The following NOS1AP variants were observed in gnomAD, a reference collection of about 807,000 sequenced individuals.
NOS1AP encodes the protein nitric oxide synthase 1 adaptor protein.
A neutral mutation model predicts 56.2 loss-of-function variants in NOS1AP; 21 were observed. The ratio of observed to expected loss-of-function variants is 0.37; its 90% CI spans 0.26 to 0.54. The LOEUF (loss-of-function observed/expected upper bound fraction) is 0.54, where lower values mean the gene tolerates loss of function less well. NOS1AP is among the 20% of genes least tolerant of loss of function. The probability of loss-of-function intolerance (pLI) is 0.84; values close to 1 mark genes in which losing one functional copy is unlikely to be tolerated. For synonymous variants in NOS1AP, 270 were observed against 274.6 expected, an observed-to-expected ratio of 0.98 and a Z score of 0.17; for missense variants, 522 against 657.8, an observed-to-expected ratio of 0.79 and a Z score of 2.26.
intron 8 of NOS1AP, among the ~76,000 whole-genome samples, chr1:162,362,662 A>G (rs1657944261): frequency 6.6e-6 from 1 of 152,134 alleles, no homozygotes; most frequent in Non-Finnish European, 1.5e-5. Context: ...TAGTAATTTT[A>G]TTTGCTCAGT....
intron 8 of NOS1AP, among the ~76,000 whole-genome samples, chr1:162,359,283 T>G (rs754352743): frequency 5.9e-5 from 9 of 152,206 alleles, no homozygotes; most frequent in Non-Finnish European, 8.8e-5. Flanking sequence ...GTCCCACATT[T>G]GTGAGATGAC....
At chr1:162,348,095 C>T (rs11576240) in intron 6 of NOS1AP, among the ~76,000 whole-genome samples, 9,341 of 152,262 alleles carry the variant, frequency 0.061, 417 homozygotes, top group Middle Eastern at 0.11. Flanking sequence ...GGAGTGTGAG[C>T]TCTGGGAGGG....
rs1557890822 is a variant in NOS1AP, at chr1:162,355,337, C to T, written c.746C>T (p.Ser249Phe). ...GATGCTGTAGGGAAGGAAGGAGGCT[C>T]TCACACAGGCTCCAAGGTAGGCAAG... ...DLDAVGKEGG[S>F]HTGSKVSHPQ... The change falls in exon 7 of 10, where the codon TCT (serine) becomes TTT (phenylalanine). Residue 249 changes from serine (S) to phenylalanine (F), a missense_variant. Ser to Phe is a radical substitution (Grantham distance 155). Coordinates refer to ENST00000361897, the MANE Select transcript of NOS1AP (RefSeq NM_014697.3). The T allele has an allele frequency of 6.2e-7, 1 of 1,614,134 alleles. No homozygotes were observed. The highest frequency in any genetic ancestry group is 8.5e-7 in the Non-Finnish European group (1 of 1,180,036).
chr1:162,119,111 G>A (rs1648093721), intron 1 of NOS1AP, among the ~76,000 whole-genome samples: 1 of 152,152 alleles, frequency 6.6e-6, no homozygotes, highest in South Asian at 2.1e-4. Flanking sequence ...GGCCCTCATA[G>A]AATGTTTTTC....
chr1:162,224,296 T>C (rs1652876065), intron 2 of NOS1AP, among the ~76,000 whole-genome samples: 1 of 152,232 alleles, frequency 6.6e-6, no homozygotes, highest in African/African-American at 2.4e-5. Context: ...TTCAAGGCAC[T>C]TATTTTTTCC....
intron 2 of NOS1AP, among the ~76,000 whole-genome samples, chr1:162,257,251 A>C (rs552152218): frequency 6.6e-6 from 1 of 152,270 alleles, no homozygotes; most frequent in African/African-American, 2.4e-5. Context: ...GAGTTGGTAC[A>C]TTGGGAGGGC....
chr1:162,346,775 T>TA (rs1172857242), intron 6 of NOS1AP, among the ~76,000 whole-genome samples: 2 of 152,242 alleles, frequency 1.3e-5, no homozygotes, highest in Non-Finnish European at 2.9e-5. Flanking sequence ...TAGAGGGAAT[T>TA]ACTTTACTTC....
chr1:162,367,518 C>T lies in NOS1AP; in HGVS notation c.*51C>T. The T allele has an allele frequency of 6.7e-7, 1 of 1,501,336 alleles. No homozygotes were observed. Among genetic ancestry groups the T allele is most frequent in the Non-Finnish European group, 8.9e-7 (1 of 1,124,052 alleles). The allele number at this position is 1,501,336 out of a possible 1,614,324, so 93.0% of individuals were successfully genotyped here. ...GGCGGCGTGGCTGGAGGGGCCGTGT[C>T]TGGCTGCTGCCCGGGTAGGGGATGC... On this transcript the variant is annotated 3_prime_UTR_variant, in exon 10 of 10. Coordinates refer to ENST00000361897, the MANE Select transcript of NOS1AP (RefSeq NM_014697.3). The surrounding 1 kb of genome is among the most constrained non-coding windows in gnomAD (Gnocchi z 6.5).
chr1:162,125,788 G>C (rs1340569606), intron 1 of NOS1AP, among the ~76,000 whole-genome samples: 3 of 152,156 alleles, frequency 2.0e-5, no homozygotes, highest in Non-Finnish European at 4.4e-5. Context: ...TTTTAGGATT[G>C]TTTTTTCTAA....
At chr1:162,329,234 A>G (rs1194027126) in intron 4 of NOS1AP, among the ~76,000 whole-genome samples, 4 of 152,200 alleles carry the variant, frequency 2.6e-5, no homozygotes, top group Admixed American at 1.3e-4. Flanking sequence ...AAATAAAAGT[A>G]AGAAATTTTA....
intron 5 of NOS1AP, among the ~76,000 whole-genome samples, chr1:162,339,411 A>C (rs951654388): frequency 7.9e-5 from 12 of 151,912 alleles, no homozygotes; most frequent in Non-Finnish European, 1.6e-4. Flanking sequence ...TAAAAAAAAA[A>C]AAAATCTAGT....
intron 3 of NOS1AP, among the ~76,000 whole-genome samples, chr1:162,296,724 A>T (rs1051041224): frequency 1.2e-4 from 19 of 152,216 alleles, no homozygotes; most frequent in Admixed American, 1.1e-3. Flanking sequence ...TTTCCTTTTA[A>T]TGAATGTCTT....
chr1:162,164,274 C>T (rs566522256), intron 2 of NOS1AP, among the ~76,000 whole-genome samples: 1 of 152,174 alleles, frequency 6.6e-6, no homozygotes, highest in Non-Finnish European at 1.5e-5. Context: ...CTTTAGGGAC[C>T]CTTTGGTTCA....
At chr1:162,312,527 G>A (rs1656073682) in intron 4 of NOS1AP, among the ~76,000 whole-genome samples, 1 of 137,602 alleles carries the variant, frequency 7.3e-6, no homozygotes. Flanking sequence ...CTCCCATTTT[G>A]TAGGTTGCCT....
At chr1:162,336,699 C>A (rs138680073) in intron 5 of NOS1AP, among the ~76,000 whole-genome samples, 83 of 152,326 alleles carry the variant, frequency 5.4e-4, no homozygotes, top group African/African-American at 1.9e-3. Context: ...GGACTTTGAA[C>A]GCTAAACCCT....
chr1:162,247,164 C>T (rs532297158), intron 2 of NOS1AP, among the ~76,000 whole-genome samples: 1 of 152,166 alleles, frequency 6.6e-6, no homozygotes, highest in South Asian at 2.1e-4. Flanking sequence ...TTGGTTCCTT[C>T]CCTCTTGGCA....
intron 3 of NOS1AP, among the ~76,000 whole-genome samples, chr1:162,300,083 G>A (rs1473261096): frequency 6.6e-6 from 1 of 152,144 alleles, no homozygotes; most frequent in Admixed American, 6.5e-5. Flanking sequence ...GACAAAGGCG[G>A]ATGAAGGTAG....
At chr1:162,223,098 A>T (rs1197991881) in intron 2 of NOS1AP, among the ~76,000 whole-genome samples, 1 of 152,226 alleles carries the variant, frequency 6.6e-6, no homozygotes, top group Non-Finnish European at 1.5e-5. Flanking sequence ...AGTATATGTA[A>T]TCTTTAAGAA....
chr1:162,311,485 T>C lies in NOS1AP; in HGVS notation c.344+10779T>C, dbSNP rs371538836. On this transcript the variant is annotated intron_variant, in intron 4 of 9. Transcript: ENST00000361897. Reference sequence around the variant, plus strand: ...CAAGGGATTAATGACTTATAAATCATTGGAGGCATGGTGGCTCCAAGTTAT... The same window carrying C: ...CAAGGGATTAATGACTTATAAATCACTGGAGGCATGGTGGCTCCAAGTTAT... 1.1e-3 allele frequency among the ~76,000 whole-genome samples: 172 copies of C among 152,306 alleles called. 6 individuals are homozygous for C. In the South Asian group the frequency reaches 0.033, roughly 29 times the overall value.
Sources: gnomAD v4.1 joint callset for allele counts (sites outside exome capture counted in the v4.1 genomes callset) on GRCh38, gnomAD v4.1.1 for gene constraint, Gnocchi (gnomAD v3.1) non-coding constraint, MANE v1.5 for transcripts, NCBI Gene and HGNC (gene_info 2026-07-23, HGNC 2026-07-21) for gene names.